STARD9: variants seen among roughly 807,000 people sequenced by gnomAD.
The protein encoded by STARD9 is StAR related lipid transfer domain containing 9.
Under a neutral mutation model 399.8 loss-of-function variants are expected in STARD9, and 346 were observed. That is an observed-to-expected ratio of 0.87 (90% CI 0.79 to 0.95). The LOEUF (loss-of-function observed/expected upper bound fraction) is 0.95, where lower values mean the gene tolerates loss of function less well. STARD9 is among the 40% of genes least tolerant of loss of function. The probability of loss-of-function intolerance (pLI) is 0.00; values close to 1 mark genes in which losing one functional copy is unlikely to be tolerated. For synonymous variants in STARD9, 2,203 were observed against 2,143.5 expected (o/e 1.03, Z -0.77); for missense variants, 5,832 against 5,667.5 (o/e 1.03, Z -0.93).
At chr15:42,600,263 A>C (rs1484104907) in intron 3 of STARD9, among the ~76,000 whole-genome samples, 1 of 152,194 alleles carries the variant, frequency 6.6e-6, no homozygotes, top group Admixed American at 6.5e-5. Flanking sequence ...AGGACATGTC[A>C]TCACTCCCAT....
rs2060751902 is a variant in STARD9, at chr15:42,693,044, G to C, written c.11466G>C (p.Gln3822His). Residue 3822 changes from glutamine to histidine, a missense_variant, in exon 23 of 33, where the codon CAG (glutamine) becomes CAC (histidine). By Grantham distance (24) the Gln-to-His change is conservative (BLOSUM62 0). Around this residue, in one of 2 missense-constraint regions of STARD9, gnomAD observed 5,828 missense variants for 5,651.1 expected, o/e 1.03. Coordinates refer to ENST00000290607, the MANE Select transcript of STARD9 (RefSeq NM_020759.3). ...PSIPSSHLRF[Q>H]KAPVGQHLPS... ...TACCCTCATCCCACTTGAGGTTTCAGAAAGCCCCCGTTGGGCAGCATCTTC... is the reference window on the plus strand; with the variant it reads ...TACCCTCATCCCACTTGAGGTTTCACAAAGCCCCCGTTGGGCAGCATCTTC... The C allele has an allele frequency of 6.5e-7, 1 of 1,537,006 alleles. No homozygotes were observed. The highest frequency in any genetic ancestry group is 1.2e-5 in the South Asian group (1 of 84,060).
In STARD9 at chr15:42,717,793, G is replaced by A; in HGVS notation, c.13557G>A (p.Trp4519Ter). ...TCAGCTGCCAGGCAACTGCTGGCTG[G>A]AAGTAAGTTTGTTTAGGGTCCTTTG... ...NLFSCQATAGWNYQGEEQAVQ... is the reference protein window; with the variant it reads ...NLFSCQATAG Residue 4519 changes from tryptophan (W) to a stop codon, truncating the protein, a stop_gained and splice_region_variant, in exon 29 of 33, where the codon TGG becomes TGA. Transcript: ENST00000290607. LOFTEE classifies it high-confidence loss of function. 1 of 1,537,140 alleles carries A rather than the reference G, an allele frequency of 6.5e-7. No homozygotes were observed. The highest frequency in any genetic ancestry group is 2.4e-5 in the East Asian group (1 of 40,912).
chr15:42,647,216 C>T (rs1386267646), intron 7 of STARD9, among the ~76,000 whole-genome samples: 1 of 152,100 alleles, frequency 6.6e-6, no homozygotes, highest in African/African-American at 2.4e-5. Flanking sequence ...ATGTATTATA[C>T]AATTGTTGGG....
chr15:42,646,703 C>T (rs1304836189), intron 7 of STARD9, among the ~76,000 whole-genome samples: 1 of 152,260 alleles, frequency 6.6e-6, no homozygotes. Context: ...CATGTGTTCA[C>T]GGAGTAGCAC....
rs1277220692 is a variant in STARD9, at chr15:42,689,067, G to T, written c.7489G>T (p.Asp2497Tyr). 5.9e-6 allele frequency: 9 copies of T among 1,537,180 alleles called. No individual in the cohort carries two copies. The highest frequency in any genetic ancestry group is 7.8e-6 in the Non-Finnish European group (9 of 1,146,936). ...GAGGGTCAGCTTCTCCTTGGAAGAG[G>T]ATAGTGACCAAGCCAGCAAGCCAAG... ...EKRVSFSLEE[D>Y]SDQASKPRQK... The change falls in exon 23 of 33, where the codon GAT becomes TAT. Residue 2497 changes from aspartate to tyrosine, a missense_variant. Physicochemically the swap from Asp to Tyr is radical, Grantham distance 160. Coordinates refer to ENST00000290607, the MANE Select transcript of STARD9 (RefSeq NM_020759.3).
chr15:42,585,739 T>C, intron 3 of STARD9, 102 bp downstream of exon 3: 2 of 668,320 alleles, frequency 3.0e-6, no homozygotes, highest in Non-Finnish European at 4.9e-6. Context: ...TATAGCACAG[T>C]TGTACAGATT....
chr15:42,682,660 C>T (rs977882742), intron 22 of STARD9, 85 bp downstream of exon 22: 7 of 1,035,462 alleles, frequency 6.8e-6, no homozygotes, highest in Non-Finnish European at 9.6e-6. Context: ...TTCCCCATGC[C>T]TCATTTCCTC....
rs1433647628 is a variant in STARD9, at chr15:42,691,279, C to T, written c.9701C>T (p.Pro3234Leu). Reference protein sequence around the residue: ...EGFAQGVNPLPDEDGLDGCQI... With the variant: ...EGFAQGVNPLLDEDGLDGCQI... ...TTCGCCCAGGGTGTGAATCCCCTTC[C>T]TGATGAAGATGGCTTAGATGGCTGT... The change falls in exon 23 of 33, where the codon CCT (proline) becomes CTT (leucine). Residue 3234 changes from proline to leucine, a missense_variant. Around this residue, in one of 2 missense-constraint regions of STARD9, gnomAD observed 5,828 missense variants for 5,651.1 expected, o/e 1.03. Coordinates refer to ENST00000290607, the MANE Select transcript of STARD9 (RefSeq NM_020759.3). 1 of 1,537,238 alleles carries T rather than the reference C, an allele frequency of 6.5e-7. No individual in the cohort carries two copies. The highest frequency in any genetic ancestry group is 2.4e-5 in the East Asian group (1 of 40,922).
chr15:42,619,970 A>G (rs1219367643), intron 3 of STARD9, among the ~76,000 whole-genome samples: 1 of 152,210 alleles, frequency 6.6e-6, no homozygotes, highest in Non-Finnish European at 1.5e-5. Flanking sequence ...GGTTTCCTCC[A>G]GTAGGATTGT....
Position 42,638,101 on chromosome 15 carries a change from A to T in STARD9, c.446+14A>T, listed in dbSNP as rs771093964. ...GATAAAAGTAAGGTAAGAACCTCCCAAGCTCTGGGACCTACAGTAGTTCTT... is the reference window on the plus strand; with the variant it reads ...GATAAAAGTAAGGTAAGAACCTCCCTAGCTCTGGGACCTACAGTAGTTCTT... On this transcript the variant is annotated intron_variant, in intron 6 of 32. Transcript: ENST00000290607. The T allele has an allele frequency of 2.2e-5, 34 of 1,535,082 alleles. 3 individuals carry two copies. The South Asian group carries it at 4.0e-4, about 18-fold the overall frequency.
chr15:42,659,210 G>A (rs2059943415), intron 9 of STARD9, among the ~76,000 whole-genome samples: 1 of 152,140 alleles, frequency 6.6e-6, no homozygotes, highest in Admixed American at 6.5e-5. Flanking sequence ...ATTATATCCA[G>A]AATATATAAA....
chr15:42,679,615 T>C (rs2060385113), intron 20 of STARD9, among the ~76,000 whole-genome samples: 1 of 152,134 alleles, frequency 6.6e-6, no homozygotes, highest in African/African-American at 2.4e-5. Context: ...CGTTATGAAA[T>C]CTTAATTTCT....
intron 3 of STARD9, among the ~76,000 whole-genome samples, chr15:42,593,364 A>C (rs997512741): frequency 6.6e-6 from 1 of 152,188 alleles, no homozygotes; most frequent in Non-Finnish European, 1.5e-5. Flanking sequence ...GAGGAGTATT[A>C]GCTCAGCTTT....
At chr15:42,695,368 T>A in intron 25 of STARD9, 45 bp downstream of exon 25, 1 of 1,473,244 alleles carries the variant, frequency 6.8e-7, no homozygotes, top group Non-Finnish European at 9.0e-7. Flanking sequence ...GGCCTGGACC[T>A]CAGACTGGTA....
At position 42,688,316 on chromosome 15, in the gene STARD9, G is replaced by A. The variant is rs1288216744; in HGVS notation, c.6738G>A (p.Leu2246=). 3 of 1,537,334 alleles carry A rather than the reference G, an allele frequency of 2.0e-6. No individual in the cohort carries two copies. Among genetic ancestry groups the A allele is most frequent in the Admixed American group, 2.0e-5 (1 of 50,982 alleles). ...GGGGCTTAGGAAGTCTTGAGGAATT[G>A]GAGACTGTGAAAGGTTTTCAGGAAA... ...QPWGLGSLEE[L]ETVKGFQESQ... The change falls in exon 23 of 33, where the codon TTG becomes TTA. Residue 2246 remains leucine, a synonymous_variant. Transcript: ENST00000290607.
chr15:42,684,782 G>A lies in STARD9; in HGVS notation c.3204G>A (p.Leu1068=). 2.0e-6 allele frequency: 3 copies of A among 1,537,222 alleles called. No individual in the cohort carries two copies. Among genetic ancestry groups the A allele is most frequent in the Non-Finnish European group, 2.6e-6 (3 of 1,146,916 alleles). ...CTCACTTGCCTCTTGGCAGTCCTTTGAAGAGACAACAAAATACAAGGGACC... is the reference window on the plus strand; with the variant it reads ...CTCACTTGCCTCTTGGCAGTCCTTTAAAGAGACAACAAAATACAAGGGACC... ...KSSHLPLGSP[L]KRQQNTRDPD... Residue 1068 remains leucine, a synonymous_variant, in exon 23 of 33, where the codon TTG becomes TTA. Coordinates refer to ENST00000290607, the MANE Select transcript of STARD9 (RefSeq NM_020759.3).
intron 22 of STARD9, among the ~76,000 whole-genome samples, chr15:42,683,232 G>C (rs898205037): frequency 6.6e-6 from 1 of 152,156 alleles, no homozygotes; most frequent in East Asian, 1.9e-4. Context: ...TGTTGTGTTT[G>C]CTCACCTCTC....
chr15:42,595,532 T>C (rs2058485105), intron 3 of STARD9, among the ~76,000 whole-genome samples: 1 of 152,232 alleles, frequency 6.6e-6, no homozygotes, highest in Non-Finnish European at 1.5e-5. Flanking sequence ...TCTTGAATTT[T>C]GCTGCCTGTT....
chr15:42,694,773 G>T (rs2060804056), intron 24 of STARD9, 48 bp downstream of exon 24: 1 of 1,472,646 alleles, frequency 6.8e-7, no homozygotes, highest in South Asian at 1.2e-5. Context: ...GTTGGGGGAG[G>T]GGAGTATGGG....
Sources: allele counts gnomAD v4.1 joint callset (sites outside exome capture counted in the v4.1 genomes callset), GRCh38; gene constraint gnomAD v4.1.1; regional missense constraint gnomAD v4.1.1; transcripts MANE v1.5; gene names NCBI Gene and HGNC (gene_info 2026-07-23, HGNC 2026-07-21).